Variants in UBE4B observed in about 807,000 individuals in gnomAD.
UBE4B encodes ubiquitination factor E4B, also known as ubiquitin conjugation factor E4 B.
Under a neutral mutation model 148.1 loss-of-function variants are expected in UBE4B, and 27 were observed. The observed-to-expected ratio is 0.18, with a 90% CI of 0.13 to 0.25. The LOEUF (loss-of-function observed/expected upper bound fraction) is 0.25. Among genes scored for constraint, UBE4B ranks in the 10% least tolerant of loss-of-function variants. The pLI is 1.00. For synonymous variants in UBE4B, 596 were observed against 619.3 expected (o/e 0.96, Z 0.56); for missense variants, 1,170 against 1,662.4 (o/e 0.70, Z 5.15).
At chr1:10,098,384 A>G (rs756307190) in intron 3 of UBE4B, among the ~76,000 whole-genome samples, 4 of 152,230 alleles carry the variant, frequency 2.6e-5, no homozygotes, top group African/African-American at 4.8e-5. Context: ...AGGAACAGAA[A>G]GGAGTATCTT....
intron 17 of UBE4B, among the ~76,000 whole-genome samples, chr1:10,143,674 T>C (rs1314299240): frequency 6.6e-6 from 1 of 152,236 alleles, no homozygotes; most frequent in Non-Finnish European, 1.5e-5. Context: ...GCCATTCTTT[T>C]GTCTACCATA....
intron 25 of UBE4B, among the ~76,000 whole-genome samples, chr1:10,173,770 G>A (rs1646373222): frequency 6.6e-6 from 1 of 152,174 alleles, no homozygotes; most frequent in Admixed American, 6.5e-5. Flanking sequence ...GGGTGGTTGT[G>A]CTGTGGCTGC....
intron 2 of UBE4B, among the ~76,000 whole-genome samples, chr1:10,084,836 T>C (rs1644740351): frequency 6.6e-6 from 1 of 151,926 alleles, no homozygotes; most frequent in South Asian, 2.1e-4. Context: ...TAGCTGGGAT[T>C]ACAAGCACCC....
In UBE4B at chr1:10,178,632, C is replaced by A; in HGVS notation, c.3526-12C>A. Reference sequence around the variant, plus strand: ...TACATTTACGTCTCACATTGCCATTCCTCCTTTGCAGAGATCCTACAGTAA... The same window carrying A: ...TACATTTACGTCTCACATTGCCATTACTCCTTTGCAGAGATCCTACAGTAA... On this transcript the variant is annotated splice_polypyrimidine_tract_variant and intron_variant, in intron 25 of 27. Transcript: ENST00000343090. 6.3e-7 allele frequency: 1 copy of A among 1,577,928 alleles called. No individual in the cohort carries two copies.
At chr1:10,112,623 C>T (rs12060254) in intron 7 of UBE4B, among the ~76,000 whole-genome samples, 4 of 152,156 alleles carry the variant, frequency 2.6e-5, no homozygotes, top group African/African-American at 7.2e-5. Context: ...TGGTCTTGCA[C>T]GCCTGACCTC....
chr1:10,073,764 A>G (rs955192573), intron 2 of UBE4B, among the ~76,000 whole-genome samples: 1 of 151,874 alleles, frequency 6.6e-6, no homozygotes, highest in Admixed American at 6.6e-5. Flanking sequence ...CATGATCACA[A>G]ACTCGGGTAG....
At chr1:10,122,750 C>G (rs1233721804) in intron 10 of UBE4B, among the ~76,000 whole-genome samples, 1 of 152,196 alleles carries the variant, frequency 6.6e-6, no homozygotes, top group Non-Finnish European at 1.5e-5. Flanking sequence ...AACTGTCACA[C>G]AAGTTTTTTC....
In UBE4B at chr1:10,149,286, A is replaced by G; in HGVS notation, c.2690+4A>G. The G allele has an allele frequency of 6.3e-7, 1 of 1,589,246 alleles. No individual in the cohort carries two copies. Among genetic ancestry groups the G allele is most frequent in the Non-Finnish European group, 8.6e-7 (1 of 1,167,480 alleles). ...AATTTTTATTTTTTATTGTACAGTA[A>G]GTGCCTTTAATATTTTACATAGTTC... On this transcript the variant is annotated splice_donor_region_variant and intron_variant, in intron 20 of 27. Transcript: ENST00000343090.
intron 9 of UBE4B, among the ~76,000 whole-genome samples, chr1:10,120,796 C>T (rs1645397466): frequency 1.3e-5 from 2 of 151,960 alleles, no homozygotes; most frequent in Admixed American, 1.3e-4. Flanking sequence ...TGAGATCACG[C>T]CACTTCACTC....
At chr1:10,144,836 C>A (rs551613550) in intron 17 of UBE4B, 104 bp from the exon 18 acceptor site, 5 of 724,436 alleles carry the variant, frequency 6.9e-6, no homozygotes, top group Non-Finnish European at 4.5e-6. Flanking sequence ...TGTTACAATG[C>A]GAAAACAAAC....
chr1:10,088,108 A>G (rs1292046804), intron 2 of UBE4B, among the ~76,000 whole-genome samples: 1 of 152,108 alleles, frequency 6.6e-6, no homozygotes, highest in Non-Finnish European at 1.5e-5. Flanking sequence ...CTAGCACCGT[A>G]TGATGCTCTA....
chr1:10,076,436 G>A (rs939668092), intron 2 of UBE4B, among the ~76,000 whole-genome samples: 4 of 151,948 alleles, frequency 2.6e-5, no homozygotes, highest in Non-Finnish European at 4.4e-5. Context: ...TAGAGATGGG[G>A]TTTCGCCATG....
intron 2 of UBE4B, among the ~76,000 whole-genome samples, chr1:10,081,432 T>C (rs1001220221): frequency 6.6e-6 from 1 of 151,998 alleles, no homozygotes; most frequent in Non-Finnish European, 1.5e-5. Context: ...TTGGTTTTTT[T>C]ATGTTTTATT....
At chr1:10,107,340 G>A in intron 7 of UBE4B, 1 of 1,289,338 alleles carries the variant, frequency 7.8e-7, no homozygotes, top group Non-Finnish European at 1.0e-6. Flanking sequence ...TGGTGGTGGT[G>A]GTGATGATTT....
At position 10,168,191 on chromosome 1, in the gene UBE4B, C is replaced by G. The variant is rs748108497; in HGVS notation, c.3254C>G (p.Ser1085Cys). ...QLAQDERVSR[S>C]YLALATETVD... Reference sequence around the variant, plus strand: ...GCTCAGGATGAGCGTGTGTCCCGCTCTTACCTCGCCCTGGCCACCGAAACC... The same window carrying G: ...GCTCAGGATGAGCGTGTGTCCCGCTGTTACCTCGCCCTGGCCACCGAAACC... The change falls in exon 24 of 28, where the codon TCT becomes TGT. Residue 1085 changes from serine to cysteine, a missense_variant. Ser to Cys is a moderately radical substitution (Grantham distance 112). Coordinates refer to ENST00000343090, the MANE Select transcript of UBE4B (RefSeq NM_001105562.3). The surrounding 1 kb of genome is among the most constrained non-coding windows in gnomAD (Gnocchi z 4.9). The G allele has an allele frequency of 6.2e-7, 1 of 1,614,172 alleles. No individual in the cohort carries two copies. The highest frequency in any genetic ancestry group is 1.6e-4 in the Middle Eastern group (1 of 6,062).
At chr1:10,071,700 G>GTATGTATTTATA (rs1644488627) in intron 1 of UBE4B, among the ~76,000 whole-genome samples, 1 of 152,154 alleles carries the variant, frequency 6.6e-6, no homozygotes, top group Non-Finnish European at 1.5e-5. Flanking sequence ...ATGTATTTAT[G>GTATGTATTTATA]TATGTATGAA....
At chr1:10,036,694 A>G (rs1035480987) in intron 1 of UBE4B, among the ~76,000 whole-genome samples, 1 of 152,120 alleles carries the variant, frequency 6.6e-6, no homozygotes, top group Non-Finnish European at 1.5e-5. Flanking sequence ...AGCAGTTCTC[A>G]TGAGACATTT....
chr1:10,145,164 A>G (rs771232918), intron 18 of UBE4B, 125 bp downstream of exon 18: 7 of 644,024 alleles, frequency 1.1e-5, no homozygotes, highest in Non-Finnish European at 1.6e-5. Flanking sequence ...TTCCCTTCCA[A>G]TAAAATAGTA....
At chr1:10,052,343 A>T (rs749240039) in intron 1 of UBE4B, among the ~76,000 whole-genome samples, 10 of 151,960 alleles carry the variant, frequency 6.6e-5, no homozygotes, top group Non-Finnish European at 1.5e-4. Flanking sequence ...AAATGCTGGG[A>T]TTATAGGCAT....
Sources: gnomAD v4.1 joint callset for allele counts (sites outside exome capture counted in the v4.1 genomes callset) on GRCh38, gnomAD v4.1.1 for gene constraint, Gnocchi (gnomAD v3.1) non-coding constraint, MANE v1.5 for transcripts, NCBI Gene and HGNC (gene_info 2026-07-23, HGNC 2026-07-21) for gene names.